Variants in SORL1 observed in about 807,000 individuals in gnomAD.
SORL1 encodes the protein sortilin related receptor 1, also known as sortilin-related receptor.
A neutral mutation model predicts 273.7 loss-of-function variants in SORL1; 127 were observed. That is an observed-to-expected ratio of 0.46 (90% CI 0.40 to 0.54). SORL1 has a LOEUF of 0.54. SORL1 is among the 20% of genes least tolerant of loss of function. The pLI, the probability that SORL1 is intolerant of heterozygous loss-of-function variation, is 0.00. For synonymous variants in SORL1, 1,031 were observed against 1,067.4 expected, an observed-to-expected ratio of 0.97 and a Z score of 0.66; for missense variants, 2,494 against 2,846.1, an observed-to-expected ratio of 0.88 and a Z score of 2.81.
intron 35 of SORL1, among the ~76,000 whole-genome samples, chr11:121,605,952 C>A (rs997016126): frequency 6.6e-6 from 1 of 152,124 alleles, no homozygotes; most frequent in Non-Finnish European, 1.5e-5. Flanking sequence ...GACAAGGTCT[C>A]ACTCTGACAC....
chr11:121,481,616 C>T lies in SORL1; in HGVS notation c.528+3373C>T, dbSNP rs1368866520. On this transcript the variant is annotated intron_variant, in intron 3 of 47. Coordinates refer to ENST00000260197, the MANE Select transcript of SORL1 (RefSeq NM_003105.6). The stretch of plus-strand genomic sequence containing the variant: ...TAGTGCACAGATACCTATAGGCAGG[C>T]TTCATCTCCCCAGCTCCTCCCCTAG... Among the ~76,000 whole-genome samples, 10 of 115,746 alleles carry T rather than the reference C, an allele frequency of 8.6e-5. 1 individual carries two copies. Among genetic ancestry groups the T allele is most frequent in the Non-Finnish European group, 1.8e-4 (10 of 55,700 alleles). The allele number at this position is 115,746 out of a possible 152,430, so 75.9% of individuals were successfully genotyped here.
chr11:121,540,921 G>C (rs1157813708), intron 12 of SORL1, among the ~76,000 whole-genome samples: 2 of 152,262 alleles, frequency 1.3e-5, no homozygotes, highest in African/African-American at 2.4e-5. Context: ...GCAGATGGCT[G>C]CCATCATGTC....
At chr11:121,575,529 G>A (rs1215397204) in intron 24 of SORL1, among the ~76,000 whole-genome samples, 1 of 152,234 alleles carries the variant, frequency 6.6e-6, no homozygotes, top group East Asian at 1.9e-4. Flanking sequence ...ATGAGCAGGT[G>A]GTTTGACTCA....
chr11:121,529,406 G>A (rs565678011), intron 11 of SORL1, among the ~76,000 whole-genome samples: 6 of 152,056 alleles, frequency 3.9e-5, no homozygotes, highest in Middle Eastern at 3.4e-3. Context: ...TAATAGAGAC[G>A]GGGTTTCGCC....
In SORL1 at chr11:121,567,093, A is replaced by G. The variant is rs1383384100; in HGVS notation, c.3203A>G (p.Asn1068Ser). ...TGCCCTCAGGGCTATCAGCTCAAGA[A>G]CAATACCTGTGTCAAACAAGGTACT... ...CDCPQGYQLK[N>S]NTCVKQENTC... Residue 1068 changes from asparagine (N) to serine (S), a missense_variant, in exon 22 of 48, where the codon AAC becomes AGC. Transcript: ENST00000260197. The G allele has an allele frequency of 6.2e-7, 1 of 1,613,486 alleles. No individual in the cohort carries two copies. Among genetic ancestry groups the G allele is most frequent in the African/African-American group, 1.3e-5 (1 of 74,928 alleles).
At chr11:121,522,491 G>A in intron 9 of SORL1, 95 bp from the exon 10 acceptor site, 1 of 913,470 alleles carries the variant, frequency 1.1e-6, no homozygotes, top group Non-Finnish European at 1.8e-6. Context: ...CTTGCCCCGT[G>A]TCAGCTGCAC....
In SORL1 at chr11:121,631,260, C is replaced by T. The variant is rs570537659; in HGVS notation, c.*1697C>T. On this transcript the variant is annotated 3_prime_UTR_variant, in exon 48 of 48. Transcript: ENST00000260197. The stretch of plus-strand genomic sequence containing the variant: ...TACTTAGATGAGTATTTTAAGCTGT[C>T]GACCTTTAGTTTGCCATACGGGTAG... 2 of 152,190 alleles carry T rather than the reference C, an allele frequency of 1.3e-5. No individual in the cohort carries two copies. The highest frequency in any genetic ancestry group is 2.1e-4 in the South Asian group (1 of 4,820). The allele number at this position is 152,190 out of a possible 1,614,324, so 9.4% of individuals were successfully genotyped here.
intron 6 of SORL1, among the ~76,000 whole-genome samples, chr11:121,502,357 C>T (rs1005555516): frequency 1.3e-5 from 2 of 151,878 alleles, no homozygotes; most frequent in African/African-American, 4.8e-5. Context: ...AGGATGGTCT[C>T]GATCTCTTAA....
intron 28 of SORL1, among the ~76,000 whole-genome samples, chr11:121,588,493 C>T (rs1050501415): frequency 6.6e-6 from 1 of 152,138 alleles, no homozygotes; most frequent in African/African-American, 2.4e-5. Context: ...GATGGCACTC[C>T]CAGCGTGCCG....
Position 121,595,444 on chromosome 11 carries a change from G to C in SORL1, c.4370-179G>C, listed in dbSNP as rs1419494524. Among the ~76,000 whole-genome samples the C allele has an allele frequency of 1.3e-5, 2 of 152,142 alleles. No homozygotes were observed. Among genetic ancestry groups the C allele is most frequent in the Admixed American group, 1.3e-4 (2 of 15,270 alleles). On this transcript the variant is annotated intron_variant, in intron 31 of 47. Transcript: ENST00000260197. This position sits in a 1 kb window ranked among gnomAD's most constrained non-coding sequence, Gnocchi z 5.1. The stretch of plus-strand genomic sequence containing the variant: ...TTGACTGTGGCTTTAGTGGGATCCT[G>C]TGGGGAAGCAACATTAGATGTCTGT...
In SORL1 at chr11:121,554,723, G is replaced by C. The variant is rs970286556; in HGVS notation, c.2440-464G>C. 3.9e-5 allele frequency among the ~76,000 whole-genome samples: 6 copies of C among 152,188 alleles called. No individual in the cohort carries two copies. The highest frequency in any genetic ancestry group is 8.8e-5 in the Non-Finnish European group (6 of 68,030). On this transcript the variant is annotated intron_variant, in intron 17 of 47. Transcript: ENST00000260197. This position sits in a 1 kb window ranked among gnomAD's most constrained non-coding sequence, Gnocchi z 4.6. ...GTGCCTGGGTATTTGAGGGGCTTGGGGTGGGGGATGGCGGTGATGCTGAAT... is the reference window on the plus strand; with the variant it reads ...GTGCCTGGGTATTTGAGGGGCTTGGCGTGGGGGATGGCGGTGATGCTGAAT...
intron 12 of SORL1, among the ~76,000 whole-genome samples, chr11:121,536,992 G>A (rs978478828): frequency 2.0e-5 from 3 of 152,138 alleles, no homozygotes; most frequent in Non-Finnish European, 4.4e-5. Context: ...GGGGGACAAA[G>A]GAGGACTTCT....
chr11:121,460,394 A>ATTTT (rs781295199), intron 1 of SORL1, among the ~76,000 whole-genome samples: 3 of 122,930 alleles, frequency 2.4e-5, no homozygotes, highest in Admixed American at 9.1e-5. Flanking sequence ...GTCATGATGA[A>ATTTT]TTTTTTTTTT....
At chr11:121,467,772 C>G (rs1245000926) in intron 1 of SORL1, among the ~76,000 whole-genome samples, 2 of 152,102 alleles carry the variant, frequency 1.3e-5, no homozygotes, top group African/African-American at 4.8e-5. Flanking sequence ...GCTGCTTTCT[C>G]TTTGTAGCAT....
chr11:121,491,341 G>A (rs773477277), intron 5 of SORL1, among the ~76,000 whole-genome samples: 15 of 152,262 alleles, frequency 9.9e-5, no homozygotes, highest in East Asian at 5.8e-4. Context: ...TATACTTATC[G>A]TAATTTACTA....
Position 121,558,785 on chromosome 11 carries a change from G to A in SORL1, c.2858G>A (p.Arg953His), listed in dbSNP as rs374275150. The A allele has an allele frequency of 2.2e-5, 35 of 1,613,998 alleles. No homozygotes were observed. The highest frequency in any genetic ancestry group is 9.3e-5 in the African/African-American group (7 of 74,896). Residue 953 changes from arginine (R) to histidine (H), a missense_variant, in exon 20 of 48, where the codon CGC becomes CAC. By Grantham distance (29) the Arg-to-His change is conservative. This residue lies in a region of SORL1 where 1,609 missense variants were observed against 1,816.4 expected (regional missense o/e 0.89). Coordinates refer to ENST00000260197, the MANE Select transcript of SORL1 (RefSeq NM_003105.6). ...IERITFSGQQ[R>H]SVILDNLPHP... is the part of the protein sequence containing the mutation. ...CGGATCACGTTCAGTGGCCAGCAGC[G>A]CTCTGTCATTCTGGACAACCTCCCG...
intron 6 of SORL1, among the ~76,000 whole-genome samples, chr11:121,501,498 A>G (rs545635305): frequency 9.2e-5 from 14 of 152,340 alleles, no homozygotes; most frequent in African/African-American, 3.4e-4. Context: ...TCATACTGCT[A>G]TGATGAAATG....
rs780169362 is a variant in SORL1, at chr11:121,591,082, T to A, written c.4295T>A (p.Val1432Glu). 3.1e-6 allele frequency: 5 copies of A among 1,614,236 alleles called. No homozygotes were observed. The Admixed American group carries it at 8.3e-5, about 27-fold the overall frequency. The change falls in exon 31 of 48, where the codon GTG becomes GAG. Residue 1432 changes from valine (V) to glutamate (E), a missense_variant. Physicochemically the swap from Val to Glu is moderately radical, Grantham distance 121. Around this residue, in one of 3 missense-constraint regions of SORL1, gnomAD observed 1,609 missense variants for 1,816.4 expected, o/e 0.89. Coordinates refer to ENST00000260197, the MANE Select transcript of SORL1 (RefSeq NM_003105.6). The stretch of plus-strand genomic sequence containing the variant: ...TACCGCTGCAGCAGTGGGACCTGCG[T>A]GATGGACACCTGGGTGTGCGACGGG... ...NYYRCSSGTC[V>E]MDTWVCDGYR...
intron 17 of SORL1, 128 bp from the exon 18 acceptor site, chr11:121,555,059 A>C: frequency 9.9e-7 from 1 of 1,010,132 alleles, no homozygotes; most frequent in Non-Finnish European, 1.4e-6. Context: ...TGGAAAGTTT[A>C]CTAACGTAAA....
Sources: gnomAD v4.1 joint callset for allele counts (sites outside exome capture counted in the v4.1 genomes callset) on GRCh38, gnomAD v4.1.1 for gene constraint, gnomAD v4.1.1 regional missense constraint, Gnocchi (gnomAD v3.1) non-coding constraint, MANE v1.5 for transcripts, NCBI Gene and HGNC (gene_info 2026-07-23, HGNC 2026-07-21) for gene names.